Variants in RALGPS1 observed in about 807,000 individuals in gnomAD.
RALGPS1 encodes Ral GEF with PH domain and SH3 binding motif 1, also known as ras-specific guanine nucleotide-releasing factor RalGPS1.
In RALGPS1, 19 loss-of-function variants were observed where a neutral mutation model predicts 78.8. That is an observed-to-expected ratio of 0.24 (90% confidence interval 0.17 to 0.35). The LOEUF is 0.35. Ranked by LOEUF, RALGPS1 falls within the 10% of genes least tolerant of loss-of-function variation. The probability of loss-of-function intolerance (pLI) is 1.00; values close to 1 mark genes in which losing one functional copy is unlikely to be tolerated. For synonymous variants in RALGPS1, 228 were observed against 256.3 expected, an observed-to-expected ratio of 0.89 and a Z score of 1.06; for missense variants, 454 against 688.3, an observed-to-expected ratio of 0.66 and a Z score of 3.81.
At chr9:127,146,016 C>A (rs1048061140) in intron 8 of RALGPS1, among the ~76,000 whole-genome samples, 3 of 152,220 alleles carry the variant, frequency 2.0e-5, no homozygotes, top group African/African-American at 7.2e-5. Context: ...GGTTTTGTTT[C>A]CTGCAGTATC....
At chr9:127,190,216 T>C (rs2060949034) in intron 11 of RALGPS1, among the ~76,000 whole-genome samples, 2 of 152,398 alleles carry the variant, frequency 1.3e-5, no homozygotes, top group South Asian at 4.1e-4. Flanking sequence ...TGTGTAAACA[T>C]ATATACTGTT....
chr9:127,171,588 G>A (rs10118076), intron 10 of RALGPS1, among the ~76,000 whole-genome samples: 12,507 of 152,166 alleles, frequency 0.082, 1,700 homozygotes, highest in African/African-American at 0.28. Flanking sequence ...GGTGAGCCCC[G>A]TCTCTACTAA....
At chr9:126,968,777 G>A (rs503409) in intron 3 of RALGPS1, among the ~76,000 whole-genome samples, 3,569 of 152,336 alleles carry the variant, frequency 0.023, 46 homozygotes, top group Middle Eastern at 0.048. Flanking sequence ...GTCCGGGCGC[G>A]GTGGCTCATG....
chr9:127,214,951 C>T (rs1305237689), intron 18 of RALGPS1, 109 bp downstream of exon 18: 2 of 1,540,166 alleles, frequency 1.3e-6, no homozygotes, highest in Admixed American at 2.0e-5. Flanking sequence ...CCATTAGCCA[C>T]ACTCTCAGAT....
At chr9:126,966,425 G>C (rs1354192440) in intron 3 of RALGPS1, among the ~76,000 whole-genome samples, 4 of 151,614 alleles carry the variant, frequency 2.6e-5, no homozygotes, top group African/African-American at 7.3e-5. Flanking sequence ...CAGGAGACAG[G>C]TGAGAGGATT....
At chr9:127,176,985 C>G (rs2059914512) in intron 11 of RALGPS1, among the ~76,000 whole-genome samples, 1 of 152,238 alleles carries the variant, frequency 6.6e-6, no homozygotes, top group African/African-American at 2.4e-5. Flanking sequence ...GTGGTCTGCT[C>G]CTGCTCATCC....
At chr9:127,128,527 G>A (rs2056787963) in intron 8 of RALGPS1, among the ~76,000 whole-genome samples, 1 of 152,222 alleles carries the variant, frequency 6.6e-6, no homozygotes, top group African/African-American at 2.4e-5. Context: ...GAGCCAAAAG[G>A]CAGAGCCCCT....
chr9:127,216,905 G>C (rs1052554291), intron 18 of RALGPS1: 1 of 1,541,740 alleles, frequency 6.5e-7, no homozygotes, highest in African/African-American at 1.4e-5. Context: ...ACCACACACA[G>C]GAAGCCGGAG....
chr9:127,107,742 A>C (rs1005690283), intron 8 of RALGPS1, among the ~76,000 whole-genome samples: 1 of 152,058 alleles, frequency 6.6e-6, no homozygotes, highest in African/African-American at 2.4e-5. Context: ...TTCCCCTGCC[A>C]CCCGTCACCC....
rs371681193 is a variant in RALGPS1 at position 127,052,955 on chromosome 9, T to A, written c.483+16T>A. On this transcript the variant is annotated intron_variant, in intron 7 of 18. Coordinates refer to ENST00000259351, the MANE Select transcript of RALGPS1 (RefSeq NM_014636.3). ...AACCTGGGCTGTAAGTTAATCTCCC[T>A]AAGTCTATCTAATTTTGGCTATCAT... 6.6e-6 allele frequency: 10 copies of A among 1,504,936 alleles called. No individual in the cohort carries two copies. The highest frequency in any genetic ancestry group is 9.2e-6 in the Non-Finnish European group (10 of 1,082,186). The allele number at this position is 1,504,936 out of a possible 1,614,324, so 93.2% of individuals were successfully genotyped here. A position where few individuals can be genotyped will look rare whatever the true frequency, so the allele number is the denominator to read the frequency against.
At chr9:127,086,357 C>T (rs2136254379) in intron 8 of RALGPS1, among the ~76,000 whole-genome samples, 1 of 152,336 alleles carries the variant, frequency 6.6e-6, no homozygotes, top group South Asian at 2.1e-4. Context: ...ATAGTGCACA[C>T]ATCTGTCCAT....
rs149904204 is a variant in RALGPS1 at position 127,133,097 on chromosome 9, G to C, written c.611-32972G>C. On this transcript the variant is annotated intron_variant, in intron 8 of 18. Coordinates refer to ENST00000259351, the MANE Select transcript of RALGPS1 (RefSeq NM_014636.3). ...ACATGTACATGTTAGGTGCATGACT[G>C]CATGGCTGGCACATGGTAAGCGTTA... is the stretch of plus-strand genomic sequence containing the variant. Among the ~76,000 whole-genome samples the C allele has an allele frequency of 8.6e-3, 1,313 of 152,366 alleles. 14 individuals carry two copies. Among genetic ancestry groups the C allele is most frequent in the Non-Finnish European group, 0.015 (1,019 of 68,034 alleles).
chr9:126,945,040 G>C (rs1251926332), intron 1 of RALGPS1, among the ~76,000 whole-genome samples: 2 of 152,190 alleles, frequency 1.3e-5, no homozygotes, highest in Non-Finnish European at 2.9e-5. Flanking sequence ...GTGGACATGA[G>C]TCTTCCTGTC....
chr9:127,005,762 C>G (rs1189887848), intron 4 of RALGPS1, among the ~76,000 whole-genome samples: 4 of 152,146 alleles, frequency 2.6e-5, no homozygotes, highest in Admixed American at 2.6e-4. Flanking sequence ...GCTTACTTAA[C>G]CAGATATTTT....
chr9:127,218,537 G>A lies in RALGPS1; in HGVS notation c.1645-203G>A, dbSNP rs904146116. Among the ~76,000 whole-genome samples the A allele has an allele frequency of 2.0e-5, 3 of 152,192 alleles. No homozygotes were observed. Among genetic ancestry groups the A allele is most frequent in the African/African-American group, 7.2e-5 (3 of 41,436 alleles). ...TGAAGTGAGGACTCAAGAACGCAGT[G>A]CATGCGGTGGATTCAGAGCAGTGCC... is the stretch of plus-strand genomic sequence containing the variant. On this transcript the variant is annotated intron_variant, in intron 18 of 18. Transcript: ENST00000259351. This position sits in a 1 kb window ranked among gnomAD's most constrained non-coding sequence, Gnocchi z 4.4.
intron 8 of RALGPS1, among the ~76,000 whole-genome samples, chr9:127,124,386 G>A (rs917573053): frequency 6.6e-6 from 1 of 152,184 alleles, no homozygotes; most frequent in Non-Finnish European, 1.5e-5. Flanking sequence ...CGTGAGCAAG[G>A]AAAGATGCCT....
intron 1 of RALGPS1, among the ~76,000 whole-genome samples, chr9:126,919,199 CAGTT>C (rs1279833137): frequency 7.2e-5 from 11 of 152,160 alleles, no homozygotes; most frequent in Non-Finnish European, 8.8e-5. Context: ...GAAAATGTGT[CAGTT>C]AGTATATACA....
intron 4 of RALGPS1, among the ~76,000 whole-genome samples, chr9:126,990,636 T>C (rs920583176): frequency 3.3e-5 from 5 of 152,262 alleles, no homozygotes. Context: ...CTCCGGGAGA[T>C]GATGAGCAGT....
At chr9:127,147,140 G>T (rs1257729158) in intron 8 of RALGPS1, among the ~76,000 whole-genome samples, 1 of 152,196 alleles carries the variant, frequency 6.6e-6, no homozygotes, top group Non-Finnish European at 1.5e-5. Flanking sequence ...GTGATGCTGA[G>T]CAGCTTTTCA....
Sources: gnomAD v4.1 joint callset for allele counts (sites outside exome capture counted in the v4.1 genomes callset) on GRCh38, gnomAD v4.1.1 for gene constraint, Gnocchi (gnomAD v3.1) non-coding constraint, MANE v1.5 for transcripts, NCBI Gene and HGNC (gene_info 2026-07-23, HGNC 2026-07-21) for gene names.